KAZN: variants seen among roughly 807,000 people sequenced by gnomAD.
KAZN encodes the protein kazrin.
A neutral mutation model predicts 87.4 loss-of-function variants in KAZN; 40 were observed. That is an observed-to-expected ratio of 0.46 (90% CI 0.36 to 0.60). The LOEUF is 0.60. Among genes scored for constraint, KAZN ranks in the 20% least tolerant of loss-of-function variants. KAZN has a pLI of 0.00. For synonymous variants in KAZN, 466 were observed against 458.3 expected (o/e 1.02, Z -0.22); for missense variants, 898 against 1,073.9 (o/e 0.84, Z 2.29).
intron 1 of KAZN, among the ~76,000 whole-genome samples, chr1:14,681,605 G>GTATATGTGTGTATATATATATATATA (rs1557885461): frequency 9.3e-4 from 21 of 22,490 alleles, no homozygotes; most frequent in African/African-American, 2.8e-3. Flanking sequence ...ATATATATAT[G>GTATATGTGTGTATATATATATATATA]TATATGTGTA....
chr1:14,124,246 G>A (rs543530762), intron 1 of KAZN: 4 of 152,300 alleles, frequency 2.6e-5, no homozygotes, highest in East Asian at 3.9e-4. Flanking sequence ...AACATGGGAC[G>A]CTTCACGAAT....
At chr1:14,228,530 G>A (rs1647503322) in intron 2 of KAZN, among the ~76,000 whole-genome samples, 1 of 152,152 alleles carries the variant, frequency 6.6e-6, no homozygotes, top group African/African-American at 2.4e-5. Flanking sequence ...AAGGGCCATG[G>A]GCAGGTGGGC....
At chr1:14,410,783 T>C (rs983436718) in intron 2 of KAZN, among the ~76,000 whole-genome samples, 1 of 152,102 alleles carries the variant, frequency 6.6e-6, no homozygotes, top group African/African-American at 2.4e-5. Flanking sequence ...ATGAGAGTGG[T>C]GTGGCCAATA....
At chr1:14,269,652 G>A (rs949181408) in intron 2 of KAZN, among the ~76,000 whole-genome samples, 2 of 152,292 alleles carry the variant, frequency 1.3e-5, no homozygotes, top group Non-Finnish European at 2.9e-5. Flanking sequence ...AAAACTCAGC[G>A]CACTGTTGTG....
chr1:15,038,856 AGAC>A (rs1329979006), intron 3 of KAZN, among the ~76,000 whole-genome samples: 3 of 105,284 alleles, frequency 2.8e-5, no homozygotes, highest in Non-Finnish European at 6.5e-5. Flanking sequence ...TACCAACAGC[AGAC>A]GTTTATTGTG....
At chr1:14,449,881 C>A (rs74059519) in intron 2 of KAZN, among the ~76,000 whole-genome samples, 1 of 152,054 alleles carries the variant, frequency 6.6e-6, no homozygotes, top group Non-Finnish European at 1.5e-5. Flanking sequence ...GTTTAATGAG[C>A]CCCTTCTGAC....
chr1:14,835,246 G>A (rs116214392), intron 1 of KAZN, among the ~76,000 whole-genome samples: 1 of 152,284 alleles, frequency 6.6e-6, no homozygotes, highest in Non-Finnish European at 1.5e-5. Flanking sequence ...TGCCTTAAAG[G>A]GCAGTGAGGA....
At chr1:15,038,742 TAGC>T (rs1361552908) in intron 3 of KAZN, among the ~76,000 whole-genome samples, 3 of 152,158 alleles carry the variant, frequency 2.0e-5, no homozygotes, top group South Asian at 2.1e-4. Flanking sequence ...ACAGTACCAA[TAGC>T]AGATGTTTAT....
At chr1:14,366,897 A>G (rs187482285) in intron 2 of KAZN, among the ~76,000 whole-genome samples, 4 of 152,318 alleles carry the variant, frequency 2.6e-5, no homozygotes, top group African/African-American at 9.6e-5. Context: ...AGGTCTCACA[A>G]ACGAATGGAA....
chr1:14,958,386 ATG>A (rs1557660714), intron 1 of KAZN, among the ~76,000 whole-genome samples: 7 of 102,618 alleles, frequency 6.8e-5, no homozygotes, highest in African/African-American at 1.2e-4. Context: ...TCTTATATAC[ATG>A]GAGCACTTCC....
intron 1 of KAZN, among the ~76,000 whole-genome samples, chr1:14,871,510 C>T (rs190335178): frequency 2.0e-4 from 31 of 152,054 alleles, no homozygotes; most frequent in African/African-American, 7.0e-4. Flanking sequence ...CTCCATAGGG[C>T]GTGCCACACC....
intron 1 of KAZN, among the ~76,000 whole-genome samples, chr1:14,089,573 A>G (rs1216324576): frequency 6.6e-6 from 1 of 152,070 alleles, no homozygotes; most frequent in African/African-American, 2.4e-5. Flanking sequence ...TTTCCTCCCT[A>G]CTATGCCTTA....
At chr1:13,924,166 A>G (rs566640076) in intron 1 of KAZN, among the ~76,000 whole-genome samples, 1 of 152,250 alleles carries the variant, frequency 6.6e-6, no homozygotes, top group South Asian at 2.1e-4. Flanking sequence ...TGAGATTTTT[A>G]TCATCCAAAG....
At chr1:14,733,110 CG>C (rs900000750) in intron 1 of KAZN, among the ~76,000 whole-genome samples, 7 of 152,118 alleles carry the variant, frequency 4.6e-5, no homozygotes, top group African/African-American at 1.7e-4. Context: ...GAGTGTTTCT[CG>C]GGGATCTGTG....
intron 1 of KAZN, among the ~76,000 whole-genome samples, chr1:14,146,250 T>G (rs1645346013): frequency 2.0e-5 from 3 of 151,692 alleles, no homozygotes; most frequent in African/African-American, 7.3e-5. Flanking sequence ...ATGAAAGATG[T>G]GGGGCCAGGC....
intron 1 of KAZN, among the ~76,000 whole-genome samples, chr1:14,056,123 C>G (rs1286646772): frequency 6.6e-6 from 1 of 152,240 alleles, no homozygotes; most frequent in East Asian, 1.9e-4. Context: ...CTTCATGGAG[C>G]CTCAGCTTTG....
intron 2 of KAZN, among the ~76,000 whole-genome samples, chr1:14,553,280 TG>T (rs1673655256): frequency 6.6e-6 from 1 of 152,190 alleles, no homozygotes; most frequent in African/African-American, 2.4e-5. Flanking sequence ...TGGAGACGCT[TG>T]AACTGGGAGG....
chr1:14,776,960 C>T (rs899899806), intron 1 of KAZN, among the ~76,000 whole-genome samples: 2 of 146,296 alleles, frequency 1.4e-5, no homozygotes, highest in African/African-American at 2.5e-5. Context: ...AAAAAAGAGA[C>T]GTCTTTGAAG....
chr1:14,858,146 G>A (rs990715564), intron 1 of KAZN, among the ~76,000 whole-genome samples: 1 of 150,268 alleles, frequency 6.7e-6, no homozygotes, highest in African/African-American at 2.5e-5. Flanking sequence ...CCTTTTTTGT[G>A]ATGGAATAAT....
Sources: gnomAD v4.1 joint callset for allele counts (sites outside exome capture counted in the v4.1 genomes callset) on GRCh38, gnomAD v4.1.1 for gene constraint, MANE v1.5 for transcripts, NCBI Gene and HGNC (gene_info 2026-07-23, HGNC 2026-07-21) for gene names.